NDUFS6: variants seen among roughly 807,000 people sequenced by gnomAD.
NDUFS6 encodes NADH dehydrogenase [ubiquinone] iron-sulfur protein 6, mitochondrial.
Under a neutral mutation model 13.2 loss-of-function variants are expected in NDUFS6, and 14 were observed. That is an observed-to-expected ratio of 1.06 (90% CI 0.70 to 1.66). The LOEUF (loss-of-function observed/expected upper bound fraction) is 1.66. NDUFS6 is among the 40% of genes most tolerant of loss of function. NDUFS6 has a pLI of 0.00. For missense variants in NDUFS6, 206 were observed against 170.8 expected (o/e 1.21, Z -1.15); for synonymous variants, 95 against 72.3 (o/e 1.31, Z -1.60).
In NDUFS6 at chr5:1,802,393, G is replaced by A; in HGVS notation, c.186+19G>A. ...GAAAGAGGTGAGTAAAAAATCTAGTGAAGAGAGGTAAGCTTTCCTAAAACT... is the reference window on the plus strand; with the variant it reads ...GAAAGAGGTGAGTAAAAAATCTAGTAAAGAGAGGTAAGCTTTCCTAAAACT... On this transcript the variant is annotated intron_variant, in intron 2 of 3. Coordinates refer to ENST00000274137, the MANE Select transcript of NDUFS6 (RefSeq NM_004553.6). 6.2e-7 allele frequency: 1 copy of A among 1,607,954 alleles called. No individual in the cohort carries two copies. Among genetic ancestry groups the A allele is most frequent in the Non-Finnish European group, 8.5e-7 (1 of 1,174,636 alleles).
chr5:1,813,864 A>G (rs1443146413), intron 2 of NDUFS6, among the ~76,000 whole-genome samples: 2 of 152,192 alleles, frequency 1.3e-5, no homozygotes, highest in Admixed American at 6.5e-5. Flanking sequence ...AGCTACTGGC[A>G]TTTTTGGCAT....
At chr5:1,805,222 G>A (rs1236072026) in intron 2 of NDUFS6, among the ~76,000 whole-genome samples, 2 of 152,128 alleles carry the variant, frequency 1.3e-5, no homozygotes, top group African/African-American at 4.8e-5. Flanking sequence ...CTCAAGCAAC[G>A]TGGGAGGCTG....
intron 2 of NDUFS6, 81 bp downstream of exon 2, chr5:1,802,455 A>AG (rs1734063221): frequency 1.1e-5 from 13 of 1,177,212 alleles, no homozygotes; most frequent in Admixed American, 8.4e-5. Context: ...TTAATATATA[A>AG]GATTTAAATA....
At chr5:1,810,684 G>A (rs1201808999) in intron 2 of NDUFS6, among the ~76,000 whole-genome samples, 2 of 151,940 alleles carry the variant, frequency 1.3e-5, no homozygotes, top group Non-Finnish European at 1.5e-5. Flanking sequence ...ATTACCAACC[G>A]AAGTAGTTGT....
At chr5:1,808,043 A>G (rs1301734112) in intron 2 of NDUFS6, among the ~76,000 whole-genome samples, 2 of 152,144 alleles carry the variant, frequency 1.3e-5, no homozygotes, top group African/African-American at 4.8e-5. Context: ...GGTGGCTGAG[A>G]AGGTCCTCCG....
At chr5:1,802,494 C>G in intron 2 of NDUFS6, 120 bp downstream of exon 2, 2 of 771,442 alleles carry the variant, frequency 2.6e-6, no homozygotes, top group Non-Finnish European at 4.3e-6. Context: ...AGCACCCTAA[C>G]AGTTCTGGAT....
At chr5:1,802,457 A>G in intron 2 of NDUFS6, 83 bp downstream of exon 2, 1 of 1,142,376 alleles carries the variant, frequency 8.8e-7, no homozygotes, top group South Asian at 1.5e-5. Context: ...AATATATAAG[A>G]TTTAAATAAA....
At chr5:1,810,410 G>C (rs1387450100) in intron 2 of NDUFS6, among the ~76,000 whole-genome samples, 1 of 152,130 alleles carries the variant, frequency 6.6e-6, no homozygotes, top group Non-Finnish European at 1.5e-5. Context: ...TAGCTTCCCG[G>C]TTCTTCGTGC....
chr5:1,812,824 G>A (rs1002682625), intron 2 of NDUFS6, among the ~76,000 whole-genome samples: 4 of 151,646 alleles, frequency 2.6e-5, no homozygotes, highest in Middle Eastern at 3.2e-3. Context: ...AGGCCGAGGC[G>A]GGCGGATCAC....
chr5:1,808,758 G>A (rs1734166574), intron 2 of NDUFS6, among the ~76,000 whole-genome samples: 1 of 152,170 alleles, frequency 6.6e-6, no homozygotes. Context: ...AAGTTACTTA[G>A]TTTAAAAATT....
intron 2 of NDUFS6, among the ~76,000 whole-genome samples, chr5:1,811,667 C>T (rs1402424752): frequency 6.6e-6 from 1 of 152,180 alleles, no homozygotes; most frequent in Non-Finnish European, 1.5e-5. Flanking sequence ...ATTCTACTGA[C>T]CGCATCACTG....
chr5:1,804,069 G>A (rs1315831295), intron 2 of NDUFS6, among the ~76,000 whole-genome samples: 1 of 152,190 alleles, frequency 6.6e-6, no homozygotes, highest in Non-Finnish European at 1.5e-5. Flanking sequence ...GAGGTTTCCT[G>A]GGCATCGATG....
In NDUFS6 at chr5:1,814,557, A is replaced by G. The variant is rs1561108149; in HGVS notation, c.309+96A>G. On this transcript the variant is annotated intron_variant, in intron 3 of 3. Coordinates refer to ENST00000274137, the MANE Select transcript of NDUFS6 (RefSeq NM_004553.6). This position sits in a 1 kb window ranked among gnomAD's most constrained non-coding sequence, Gnocchi z 4.9. ...GCCTGTTCTTTCTGTCCTCTTCTCT[A>G]CCTGCTCCCGAGGCGGCCCTTACGG... 6.3e-7 allele frequency: 1 copy of G among 1,582,092 alleles called. No homozygotes were observed. Among genetic ancestry groups the G allele is most frequent in the East Asian group, 2.3e-5 (1 of 43,894 alleles).
chr5:1,813,168 A>G (rs1734247809), intron 2 of NDUFS6, among the ~76,000 whole-genome samples: 2 of 152,114 alleles, frequency 1.3e-5, no homozygotes, highest in African/African-American at 4.8e-5. Context: ...TGACCTCTCT[A>G]TTTCCTTCCC....
At chr5:1,813,534 C>G (rs1734253096) in intron 2 of NDUFS6, among the ~76,000 whole-genome samples, 1 of 152,148 alleles carries the variant, frequency 6.6e-6, no homozygotes, top group African/African-American at 2.4e-5. Flanking sequence ...GCTTCCTGTC[C>G]ACTTACCCAC....
intron 2 of NDUFS6, among the ~76,000 whole-genome samples, chr5:1,807,583 G>T (rs912241230): frequency 6.6e-6 from 1 of 152,234 alleles, no homozygotes; most frequent in Admixed American, 6.5e-5. Context: ...GGCACACTCG[G>T]GTGGGGAAGC....
At chr5:1,811,900 T>G (rs1734224592) in intron 2 of NDUFS6, among the ~76,000 whole-genome samples, 1 of 152,206 alleles carries the variant, frequency 6.6e-6, no homozygotes, top group Non-Finnish European at 1.5e-5. Flanking sequence ...TAAAATGATA[T>G]TATCCATCTT....
chr5:1,802,136 G>A lies in NDUFS6; in HGVS notation c.133-185G>A, dbSNP rs143416229. 3.1e-3 allele frequency: 1,832 copies of A among 589,352 alleles called. 29 individuals carry two copies. The African/African-American group carries it at 0.032, about 10-fold the overall frequency. 36.5% of individuals were successfully genotyped at this position (589,352 alleles called of 1,614,324 possible). A position where few individuals can be genotyped will look rare whatever the true frequency, so the allele number is the denominator to read the frequency against. ...TGCTCTCTGATCCAGGTGACCACCCGTTTTCATCCCAGGTATCTCGCTAAA... is the reference window on the plus strand; with the variant it reads ...TGCTCTCTGATCCAGGTGACCACCCATTTTCATCCCAGGTATCTCGCTAAA... On this transcript the variant is annotated intron_variant, in intron 1 of 3. Transcript: ENST00000274137.
At chr5:1,806,985 A>T (rs1366450722) in intron 2 of NDUFS6, among the ~76,000 whole-genome samples, 1 of 152,220 alleles carries the variant, frequency 6.6e-6, no homozygotes, top group Non-Finnish European at 1.5e-5. Flanking sequence ...AGAACGCTTG[A>T]CACGCCCCAC....
Sources: allele counts gnomAD v4.1 joint callset (sites outside exome capture counted in the v4.1 genomes callset), GRCh38; gene constraint gnomAD v4.1.1; non-coding constraint Gnocchi (gnomAD v3.1); transcripts MANE v1.5; gene names NCBI Gene and HGNC (gene_info 2026-07-23, HGNC 2026-07-21).